Variants in RIMBP2 observed in about 807,000 individuals in gnomAD.
The protein encoded by RIMBP2 is RIMS-binding protein 2.
Under a neutral mutation model 118.6 loss-of-function variants are expected in RIMBP2, and 48 were observed. The ratio of observed to expected loss-of-function variants is 0.40; its 90% CI spans 0.32 to 0.51. The LOEUF is 0.51. Ranked by LOEUF, RIMBP2 falls within the 20% of genes least tolerant of loss-of-function variation. The pLI is 0.41. For missense variants in RIMBP2, 1,551 were observed against 1,768.3 expected (o/e 0.88, Z 2.20); for synonymous variants, 762 against 742.9 (o/e 1.03, Z -0.42).
At chr12:130,476,650 G>A (rs1358485064) in intron 5 of RIMBP2, among the ~76,000 whole-genome samples, 2 of 152,212 alleles carry the variant, frequency 1.3e-5, no homozygotes, top group Non-Finnish European at 2.9e-5. Context: ...TCGGCGTGGT[G>A]GGTGTCATCT....
chr12:130,541,939 A>C (rs1041896491), intron 2 of RIMBP2, among the ~76,000 whole-genome samples: 1 of 152,188 alleles, frequency 6.6e-6, no homozygotes, highest in Admixed American at 6.5e-5. Flanking sequence ...AGACCTAGCC[A>C]TTGGGCTGAG....
chr12:130,614,814 T>C (rs2140679956), intron 2 of RIMBP2, among the ~76,000 whole-genome samples: 1 of 151,586 alleles, frequency 6.6e-6, no homozygotes, highest in East Asian at 1.9e-4. Context: ...ATGACGCACT[T>C]TTGAGTAAAA....
chr12:130,684,856 C>G (rs1428000492), intron 1 of RIMBP2, among the ~76,000 whole-genome samples: 1 of 152,172 alleles, frequency 6.6e-6, no homozygotes, highest in Non-Finnish European at 1.5e-5. Flanking sequence ...CCTGCTCCGT[C>G]TATGGAGTAG....
chr12:130,510,447 C>T (rs2050795697), intron 3 of RIMBP2, among the ~76,000 whole-genome samples: 1 of 151,748 alleles, frequency 6.6e-6, no homozygotes, highest in African/African-American at 2.4e-5. Flanking sequence ...CATGGAGGAC[C>T]TCGGGGCAAG....
intron 2 of RIMBP2, among the ~76,000 whole-genome samples, chr12:130,609,692 A>AT (rs2060393875): frequency 6.6e-6 from 1 of 152,194 alleles, no homozygotes; most frequent in Non-Finnish European, 1.5e-5. Context: ...GATGGTGGGA[A>AT]TTCAGCCTGA....
Position 130,447,069 on chromosome 12 carries a change from C to G in RIMBP2, c.582-1800G>C, listed in dbSNP as rs951703996. 5.4e-5 allele frequency among the ~76,000 whole-genome samples: 8 copies of G among 149,078 alleles called. No individual in the cohort carries two copies. The highest frequency in any genetic ancestry group is 1.3e-4 in the African/African-American group (5 of 39,048). ...GAGACACAGAAGCTGGCAGAGTGTT[C>G]TCGGAGGAGGAGGAGGAGGAGGAGG... is the stretch of plus-strand genomic sequence containing the variant. On this transcript the variant is annotated intron_variant, in intron 9 of 22. Transcript: ENST00000690449. This position sits in a 1 kb window ranked among gnomAD's most constrained non-coding sequence, Gnocchi z 4.4.
At chr12:130,519,005 A>G (rs1212091025) in intron 2 of RIMBP2, among the ~76,000 whole-genome samples, 1 of 152,244 alleles carries the variant, frequency 6.6e-6, no homozygotes, top group African/African-American at 2.4e-5. Context: ...GGGATAATCA[A>G]TGACTCACAG....
chr12:130,644,992 T>A (rs943389868), intron 1 of RIMBP2, among the ~76,000 whole-genome samples: 6 of 152,202 alleles, frequency 3.9e-5, no homozygotes, highest in Non-Finnish European at 8.8e-5. Context: ...TGTGAAATAC[T>A]CAGGAACACT....
intron 11 of RIMBP2, among the ~76,000 whole-genome samples, chr12:130,441,494 C>G (rs1215848496): frequency 6.6e-6 from 1 of 151,436 alleles, no homozygotes; most frequent in Non-Finnish European, 1.5e-5. Flanking sequence ...GGCACGTAAG[C>G]ACTTCCAGGC....
rs1307734506 is a variant in RIMBP2 at position 130,523,518 on chromosome 12, A to T, written c.-216-5601T>A. Among the ~76,000 whole-genome samples the T allele has an allele frequency of 2.0e-5, 3 of 152,224 alleles. No individual in the cohort carries two copies. Among genetic ancestry groups the T allele is most frequent in the Non-Finnish European group, 4.4e-5 (3 of 68,042 alleles). ...AGCTCAAGGGCTCGTCAAGGAAGAA[A>T]CTGGGTCTTCTGAAGACACCCCCTT... is the stretch of plus-strand genomic sequence containing the variant. On this transcript the variant is annotated intron_variant, in intron 2 of 22. Transcript: ENST00000690449. The surrounding 1 kb of genome is among the most constrained non-coding windows in gnomAD (Gnocchi z 4.4).
intron 1 of RIMBP2, among the ~76,000 whole-genome samples, chr12:130,694,952 A>C (rs1235161583): frequency 6.6e-6 from 1 of 152,178 alleles, no homozygotes; most frequent in Non-Finnish European, 1.5e-5. Flanking sequence ...TGTAAAGTTT[A>C]TTCCAGGCCA....
intron 12 of RIMBP2, 30 bp downstream of exon 12, chr12:130,438,335 A>ACGGGGCCCCCCC: frequency 2.3e-6 from 2 of 865,008 alleles, no homozygotes; most frequent in East Asian, 2.8e-5. Flanking sequence ...GGCCTAACAA[A>ACGGGGCCCCCCC]CCCTCCCCAC....
At chr12:130,399,080 G>C in intron 22 of RIMBP2, 1 of 1,227,784 alleles carries the variant, frequency 8.1e-7, no homozygotes, top group Non-Finnish European at 1.1e-6. Flanking sequence ...AGCTTAAGTT[G>C]GTATCTTTAT....
chr12:130,440,903 C>G (rs1177857592), intron 11 of RIMBP2, among the ~76,000 whole-genome samples: 1 of 152,068 alleles, frequency 6.6e-6, no homozygotes, highest in Non-Finnish European at 1.5e-5. Context: ...TGCTGGCTGC[C>G]CAGTAACTCA....
chr12:130,569,052 T>C (rs1030710190), intron 2 of RIMBP2, among the ~76,000 whole-genome samples: 1 of 151,254 alleles, frequency 6.6e-6, no homozygotes, highest in African/African-American at 2.4e-5. Context: ...CATCCTCATG[T>C]ATTTTATGAC....
At chr12:130,629,275 C>A (rs950293840) in intron 1 of RIMBP2, among the ~76,000 whole-genome samples, 1 of 152,194 alleles carries the variant, frequency 6.6e-6, no homozygotes, top group African/African-American at 2.4e-5. Flanking sequence ...GAAGAACCAT[C>A]TGTATGGTCA....
intron 2 of RIMBP2, among the ~76,000 whole-genome samples, chr12:130,608,716 T>C (rs1191161122): frequency 6.6e-6 from 1 of 152,254 alleles, no homozygotes; most frequent in Admixed American, 6.5e-5. Flanking sequence ...ACGTGGCATT[T>C]TGACATATAC....
chr12:130,437,352 G>C, intron 12 of RIMBP2, 61 bp from the exon 13 acceptor site: 1 of 1,406,452 alleles, frequency 7.1e-7, no homozygotes, highest in South Asian at 1.3e-5. Flanking sequence ...TCCTGCAATG[G>C]GGAGCCGACC....
intron 2 of RIMBP2, among the ~76,000 whole-genome samples, chr12:130,521,377 G>A (rs576524390): frequency 4.6e-5 from 7 of 152,340 alleles, no homozygotes; most frequent in South Asian, 2.1e-4. Flanking sequence ...CCCAGCAGCC[G>A]GCACCAGTGG....
Sources: allele counts gnomAD v4.1 joint callset (sites outside exome capture counted in the v4.1 genomes callset), GRCh38; gene constraint gnomAD v4.1.1; non-coding constraint Gnocchi (gnomAD v3.1); transcripts MANE v1.5; gene names NCBI Gene and HGNC (gene_info 2026-07-23, HGNC 2026-07-21).